Variants in CCN4 observed in about 807,000 individuals in gnomAD.
The protein encoded by CCN4 is CCN family member 4.
Under a neutral mutation model 36.7 loss-of-function variants are expected in CCN4, and 30 were observed. That is an observed-to-expected ratio of 0.82 (90% CI 0.61 to 1.11). The LOEUF is 1.11. Ranked by LOEUF, CCN4 falls within the 50% of genes least tolerant of loss-of-function variation. The pLI is 0.00. For synonymous variants in CCN4, 191 were observed against 195.4 expected, an observed-to-expected ratio of 0.98 and a Z score of 0.19; for missense variants, 505 against 504.9, an observed-to-expected ratio of 1.00 and a Z score of 0.00.
intron 1 of CCN4, among the ~76,000 whole-genome samples, chr8:133,193,491 T>C (rs548106693): frequency 2.6e-5 from 4 of 152,342 alleles, no homozygotes; most frequent in African/African-American, 9.6e-5. Flanking sequence ...ATATGACTTA[T>C]GCTTTCATCT....
At chr8:133,210,832 C>T (rs1853994955) in intron 1 of CCN4, among the ~76,000 whole-genome samples, 1 of 152,234 alleles carries the variant, frequency 6.6e-6, no homozygotes, top group Non-Finnish European at 1.5e-5. Context: ...CAGACACACG[C>T]AGGTCAGCGA....
At chr8:133,195,906 G>A (rs1853365129) in intron 1 of CCN4, among the ~76,000 whole-genome samples, 4 of 152,234 alleles carry the variant, frequency 2.6e-5, no homozygotes, top group Admixed American at 2.6e-4. Flanking sequence ...CTGGGCAGCA[G>A]GGAGGCAAAC....
chr8:133,227,519 A>T lies in CCN4; in HGVS notation c.913A>T (p.Met305Leu). Residue 305 changes from methionine to leucine, a missense_variant, in exon 5 of 5, where the codon ATG (methionine) becomes TTG (leucine). By Grantham distance (15) the Met-to-Leu change is conservative. Transcript: ENST00000250160. ...TCAACCCAAGTACTGTGGAGTTTGC[A>T]TGGACAATAGGTGCTGCATCCCCTA... is the stretch of plus-strand genomic sequence containing the variant. ...SYQPKYCGVC[M>L]DNRCCIPYKS... 6.2e-7 allele frequency: 1 copy of T among 1,614,188 alleles called. No homozygotes were observed. The highest frequency in any genetic ancestry group is 8.5e-7 in the Non-Finnish European group (1 of 1,180,028).
At chr8:133,210,383 A>T (rs967537420) in intron 1 of CCN4, among the ~76,000 whole-genome samples, 5 of 135,760 alleles carry the variant, frequency 3.7e-5, no homozygotes, top group African/African-American at 6.3e-5. Flanking sequence ...AGTCAAAAAG[A>T]GGGGTGTGTG....
intron 1 of CCN4, among the ~76,000 whole-genome samples, chr8:133,201,865 AAAAG>A (rs869309098): frequency 7.9e-6 from 1 of 127,104 alleles, no homozygotes; most frequent in Non-Finnish European, 1.5e-5. Context: ...AAAAGAAAAG[AAAAG>A]AAAAAAACCC....
chr8:133,193,080 C>T lies in CCN4; in HGVS notation c.69+1867C>T, dbSNP rs116364170. Among the ~76,000 whole-genome samples the T allele has an allele frequency of 6.1e-3, 928 of 152,274 alleles. 10 individuals are homozygous for T. The highest frequency in any genetic ancestry group is 0.021 in the African/African-American group (889 of 41,540). ...AGTTCTCAGGATGTCCTGAAAGCCC[C>T]GCCCCCTGTGTGGGCTGTGAGACTG... On this transcript the variant is annotated intron_variant, in intron 1 of 4. Coordinates refer to ENST00000250160, the MANE Select transcript of CCN4 (RefSeq NM_003882.4).
At chr8:133,217,403 TAAG>T (rs1249351549) in intron 2 of CCN4, among the ~76,000 whole-genome samples, 4 of 152,164 alleles carry the variant, frequency 2.6e-5, no homozygotes, top group Non-Finnish European at 5.9e-5. Context: ...AGTGCTTCAG[TAAG>T]AGGAAAGCTA....
At chr8:133,197,403 C>A (rs1853429067) in intron 1 of CCN4, among the ~76,000 whole-genome samples, 1 of 152,020 alleles carries the variant, frequency 6.6e-6, no homozygotes. Flanking sequence ...TGTTCTGGAA[C>A]CCTGAACCAG....
chr8:133,195,542 G>A (rs906516675), intron 1 of CCN4, among the ~76,000 whole-genome samples: 7 of 151,936 alleles, frequency 4.6e-5, no homozygotes, highest in African/African-American at 1.5e-4. Flanking sequence ...TCCCCACCCA[G>A]AGCCTCTTTG....
chr8:133,224,229 C>CT (rs59929763), intron 3 of CCN4, among the ~76,000 whole-genome samples: 3,684 of 88,512 alleles, frequency 0.042, 1,089 homozygotes, highest in Non-Finnish European at 0.056. Context: ...CCCGTAAGTC[C>CT]TTTTTTTTTT....
At chr8:133,214,638 G>A (rs553692116) in intron 2 of CCN4, among the ~76,000 whole-genome samples, 1 of 152,048 alleles carries the variant, frequency 6.6e-6, no homozygotes, top group Non-Finnish European at 1.5e-5. Flanking sequence ...CTTCTGTCCG[G>A]ACTTGTATTC....
chr8:133,194,021 A>G (rs1176198646), intron 1 of CCN4, among the ~76,000 whole-genome samples: 4 of 152,166 alleles, frequency 2.6e-5, no homozygotes, highest in African/African-American at 9.7e-5. Flanking sequence ...CTGTCTCACC[A>G]CACCAAGCTC....
At chr8:133,208,150 A>G (rs1047961869) in intron 1 of CCN4, among the ~76,000 whole-genome samples, 2 of 152,100 alleles carry the variant, frequency 1.3e-5, no homozygotes, top group African/African-American at 4.8e-5. Context: ...GAATAATAAT[A>G]CCAGTCACTG....
intron 3 of CCN4, among the ~76,000 whole-genome samples, chr8:133,224,585 T>C (rs1401607722): frequency 6.6e-6 from 1 of 152,120 alleles, no homozygotes; most frequent in Admixed American, 6.5e-5. Context: ...CTACTTGCCT[T>C]TGAACTTCCC....
intron 1 of CCN4, among the ~76,000 whole-genome samples, chr8:133,192,805 C>A (rs554520301): frequency 5.6e-4 from 86 of 152,306 alleles, no homozygotes; most frequent in African/African-American, 2.1e-3. Context: ...TACTCTGGAG[C>A]CCCAGTCAGC....
At chr8:133,203,862 C>T (rs1298738434) in intron 1 of CCN4, among the ~76,000 whole-genome samples, 1 of 152,218 alleles carries the variant, frequency 6.6e-6, no homozygotes, top group African/African-American at 2.4e-5. Context: ...ATGCCTATTG[C>T]TAAGCATTTT....
chr8:133,208,710 AC>A (rs1406942404), intron 1 of CCN4, among the ~76,000 whole-genome samples: 4 of 150,256 alleles, frequency 2.7e-5, no homozygotes, highest in East Asian at 2.0e-4. Context: ...ATCTATTCCC[AC>A]CCCCTCTTCA....
rs1854919179 is a variant in CCN4 at position 133,230,523 on chromosome 8, C to T, written c.*2813C>T. 2 of 152,180 alleles carry T rather than the reference C, an allele frequency of 1.3e-5. No individual in the cohort carries two copies. Among genetic ancestry groups the T allele is most frequent in the Admixed American group, 6.5e-5 (1 of 15,284 alleles). The allele number at this position is 152,180 out of a possible 1,614,324, so 9.4% of individuals were successfully genotyped here. A position where few individuals can be genotyped will look rare whatever the true frequency, so the allele number is the denominator to read the frequency against. On this transcript the variant is annotated 3_prime_UTR_variant, in exon 5 of 5. Transcript: ENST00000250160. ...CTTATTCTACCAGCCCCTGCTCTTG[C>T]GGAGGCCTCTGGAAAAGACCTGAAT...
At chr8:133,194,344 G>A (rs1296458794) in intron 1 of CCN4, among the ~76,000 whole-genome samples, 1 of 131,852 alleles carries the variant, frequency 7.6e-6, no homozygotes, top group African/African-American at 2.9e-5. Flanking sequence ...TGGTGTGTGT[G>A]GGGGGGTGGT....
Sources: allele counts gnomAD v4.1 joint callset (sites outside exome capture counted in the v4.1 genomes callset), GRCh38; gene constraint gnomAD v4.1.1; transcripts MANE v1.5; gene names NCBI Gene and HGNC (gene_info 2026-07-23, HGNC 2026-07-21).